Variants in RIOK1 observed in about 807,000 individuals in gnomAD.
RIOK1 encodes the protein RIO kinase 1, also known as serine/threonine-protein kinase RIO1.
A neutral mutation model predicts 73.5 loss-of-function variants in RIOK1; 66 were observed. The ratio of observed to expected loss-of-function variants is 0.90; its 90% CI spans 0.74 to 1.10. RIOK1 has a LOEUF of 1.10. Ranked by LOEUF, RIOK1 falls within the 50% of genes least tolerant of loss-of-function variation. The pLI is 0.00. For synonymous variants in RIOK1, 224 were observed against 226.8 expected, an observed-to-expected ratio of 0.99 and a Z score of 0.11; for missense variants, 658 against 699.8, an observed-to-expected ratio of 0.94 and a Z score of 0.67.
intron 12 of RIOK1, among the ~76,000 whole-genome samples, chr6:7,409,213 TTGTGTGTGTGTGTGTGTGTGTGTG>T (rs58234662): frequency 1.0e-3 from 92 of 88,236 alleles, no homozygotes; most frequent in African/African-American, 2.3e-3. Flanking sequence ...TCCCGACTAA[TTGTGTGTGTGTGTGTGTGTGTGTG>T]TGTGTGTGTG....
intron 1 of RIOK1, among the ~76,000 whole-genome samples, chr6:7,390,366 C>G (rs1275758274): frequency 6.6e-6 from 1 of 152,160 alleles, no homozygotes; most frequent in East Asian, 1.9e-4. Context: ...TGCGTTTTAA[C>G]CACATTTAGC....
intron 3 of RIOK1, among the ~76,000 whole-genome samples, chr6:7,395,873 C>A (rs1281215460): frequency 6.6e-6 from 1 of 152,056 alleles, no homozygotes; most frequent in Non-Finnish European, 1.5e-5. Context: ...CCACACCCGG[C>A]CAATTTTTAT....
chr6:7,411,189 G>A lies in RIOK1; in HGVS notation c.1270-143G>A, dbSNP rs1056420672. 5 of 750,228 alleles carry A rather than the reference G, an allele frequency of 6.7e-6. No homozygotes were observed. In the Admixed American group the frequency reaches 7.8e-5, roughly 12 times the overall value. 46.5% of individuals were successfully genotyped at this position (750,228 alleles called of 1,614,324 possible). On this transcript the variant is annotated intron_variant, in intron 13 of 16. Transcript: ENST00000379834. ...ACACCACATCACAGATGGGATACCA[G>A]TGTGTGCAGACAGCTTAGCCAAGCA...
intron 12 of RIOK1, among the ~76,000 whole-genome samples, chr6:7,406,611 T>C (rs774149583): frequency 3.9e-5 from 6 of 152,226 alleles, no homozygotes; most frequent in Admixed American, 2.0e-4. Flanking sequence ...CTTATTTCAC[T>C]TAGTATGATG....
At chr6:7,390,765 A>G (rs1761312168) in intron 1 of RIOK1, among the ~76,000 whole-genome samples, 1 of 152,232 alleles carries the variant, frequency 6.6e-6, no homozygotes, top group Non-Finnish European at 1.5e-5. Flanking sequence ...GGAGACCTTT[A>G]CAAGTGATGG....
At chr6:7,398,930 T>C (rs1445801481) in intron 5 of RIOK1, among the ~76,000 whole-genome samples, 190 bp downstream of exon 5, 2 of 152,202 alleles carry the variant, frequency 1.3e-5, no homozygotes, top group African/African-American at 2.4e-5. Flanking sequence ...TTGGATGAAT[T>C]AGAGTCATGG....
At chr6:7,396,504 CACTT>C (rs796809881) in intron 3 of RIOK1, among the ~76,000 whole-genome samples, 195 bp from the exon 4 acceptor site, 40 of 152,254 alleles carry the variant, frequency 2.6e-4, no homozygotes, top group Admixed American at 4.6e-4. Context: ...ATGAAAGTGA[CACTT>C]ACGAAGGAAA....
chr6:7,403,993 G>A lies in RIOK1; in HGVS notation c.820G>A (p.Val274Ile). 6.2e-7 allele frequency: 1 copy of A among 1,612,360 alleles called. No individual in the cohort carries two copies. Among genetic ancestry groups the A allele is most frequent in the Non-Finnish European group, 8.5e-7 (1 of 1,178,944 alleles). The part of the protein sequence containing the change: ...CPEPIMLRSH[V>I]LVMSFIGKDD... ...AGAACCAATAATGCTAAGAAGTCATGTTCTTGTCATGAGTTTCATCGGTAA... is the reference window on the plus strand; with the variant it reads ...AGAACCAATAATGCTAAGAAGTCATATTCTTGTCATGAGTTTCATCGGTAA... Residue 274 changes from valine to isoleucine, a missense_variant, in exon 9 of 17, where the codon GTT (valine) becomes ATT (isoleucine). Val to Ile is a conservative substitution (Grantham distance 29, BLOSUM62 3). Coordinates refer to ENST00000379834, the MANE Select transcript of RIOK1 (RefSeq NM_031480.3).
intron 12 of RIOK1, among the ~76,000 whole-genome samples, chr6:7,407,574 T>A (rs1055506025): frequency 3.3e-5 from 5 of 152,186 alleles, no homozygotes; most frequent in African/African-American, 1.2e-4. Context: ...AGTCTCAACC[T>A]TCTAGACTCA....
At position 7,389,850 on chromosome 6, in the gene RIOK1, C is replaced by A. The variant is rs1011703020; in HGVS notation, c.-153C>A. 5 of 626,932 alleles carry A rather than the reference C, an allele frequency of 8.0e-6. No homozygotes were observed. Among genetic ancestry groups the A allele is most frequent in the African/African-American group, 3.7e-5 (2 of 53,938 alleles). 38.8% of individuals were successfully genotyped at this position (626,932 alleles called of 1,614,324 possible). A position where few individuals can be genotyped will look rare whatever the true frequency, so the allele number is the denominator to read the frequency against. On this transcript the variant is annotated 5_prime_UTR_variant, in exon 1 of 17. Transcript: ENST00000379834. The stretch of plus-strand genomic sequence containing the variant: ...GGCAGGGTGGTGGATCTGTCGGTCC[C>A]GTTTTCCCGTCGCACGTGGTGGCCA...
At chr6:7,414,413 C>G in intron 16 of RIOK1, 23 bp downstream of exon 16, 1 of 1,588,558 alleles carries the variant, frequency 6.3e-7, no homozygotes. Flanking sequence ...ATACCTTCCC[C>G]TTTTCTTTAG....
At chr6:7,390,213 T>C in intron 1 of RIOK1, 140 bp downstream of exon 1, 1 of 689,172 alleles carries the variant, frequency 1.5e-6, no homozygotes, top group Non-Finnish European at 2.4e-6. Flanking sequence ...CTTTGCCTGT[T>C]TCTGCATCCC....
chr6:7,407,107 A>G (rs1343456069), intron 12 of RIOK1, among the ~76,000 whole-genome samples: 2 of 152,240 alleles, frequency 1.3e-5, no homozygotes, highest in Non-Finnish European at 2.9e-5. Context: ...GGATGTATAA[A>G]TATCTCTTCA....
intron 4 of RIOK1, among the ~76,000 whole-genome samples, chr6:7,397,013 C>T (rs1356274502): frequency 6.6e-6 from 1 of 152,042 alleles, no homozygotes; most frequent in East Asian, 1.9e-4. Context: ...CCTGTAATCC[C>T]ATCACTTCAG....
chr6:7,404,389 T>C, intron 9 of RIOK1, 29 bp from the exon 10 acceptor site: 1 of 1,611,908 alleles, frequency 6.2e-7, no homozygotes, highest in Non-Finnish European at 8.5e-7. Context: ...TTGTTCTTGG[T>C]CATTTTATCT....
At chr6:7,393,377 T>C in intron 2 of RIOK1, 74 bp downstream of exon 2, 1 of 1,248,236 alleles carries the variant, frequency 8.0e-7, no homozygotes. Flanking sequence ...TGTTTTGTGA[T>C]TCTGAAATTG....
chr6:7,417,397 A>G lies in RIOK1; in HGVS notation c.1663A>G (p.Lys555Glu). 6.4e-7 allele frequency: 1 copy of G among 1,569,002 alleles called. No individual in the cohort carries two copies. Among genetic ancestry groups the G allele is most frequent in the Non-Finnish European group, 8.6e-7 (1 of 1,156,204 alleles). Residue 555 changes from lysine to glutamate, a missense_variant, in exon 17 of 17, where the codon AAA becomes GAA. By Grantham distance (56) the Lys-to-Glu change is moderately conservative. Transcript: ENST00000379834. ...AAAAAACAAAATTCCTAAACATGTG[A>G]AAAAAAGAAAGGAGAAGACAGCCAA... is the stretch of plus-strand genomic sequence containing the variant. ...KRKNKIPKHV[K>E]KRKEKTAKTK...
chr6:7,395,894 G>T (rs1236537495), intron 3 of RIOK1, among the ~76,000 whole-genome samples: 1 of 152,046 alleles, frequency 6.6e-6, no homozygotes, highest in Non-Finnish European at 1.5e-5. Context: ...TTTCTGTAGA[G>T]ACGGGGTTTC....
chr6:7,407,267 G>T (rs768173203), intron 12 of RIOK1, among the ~76,000 whole-genome samples: 34 of 152,262 alleles, frequency 2.2e-4, no homozygotes, highest in Admixed American at 3.9e-4. Context: ...ATGCACAAGG[G>T]TTTTAATCGC....
Sources: gnomAD v4.1 joint callset for allele counts (sites outside exome capture counted in the v4.1 genomes callset) on GRCh38, gnomAD v4.1.1 for gene constraint, MANE v1.5 for transcripts, NCBI Gene and HGNC (gene_info 2026-07-23, HGNC 2026-07-21) for gene names.